Variants in RBM33 observed in about 807,000 individuals in gnomAD.
RBM33 encodes the protein RNA binding motif protein 33.
In RBM33, 28 loss-of-function variants were observed where a neutral mutation model predicts 132.6. The ratio of observed to expected loss-of-function variants is 0.21; its 90% confidence interval spans 0.16 to 0.29. The LOEUF is 0.29. Among genes scored for constraint, RBM33 ranks in the 10% least tolerant of loss-of-function variants. The probability of loss-of-function intolerance (pLI) is 1.00; values close to 1 mark genes in which losing one functional copy is unlikely to be tolerated. For synonymous variants in RBM33, 634 were observed against 593.0 expected (o/e 1.07, Z -1.01); for missense variants, 1,291 against 1,518.5 (o/e 0.85, Z 2.49).
chr7:155,683,210 TC>T (rs959237452), intron 5 of RBM33, among the ~76,000 whole-genome samples: 1 of 152,186 alleles, frequency 6.6e-6, no homozygotes, highest in African/African-American at 2.4e-5. Context: ...AATGGCCGCT[TC>T]CTTGGACAGG....
At chr7:155,673,516 G>GTA (rs746872486) in intron 3 of RBM33, among the ~76,000 whole-genome samples, 3 of 138,056 alleles carry the variant, frequency 2.2e-5, no homozygotes, top group Admixed American at 7.3e-5. Flanking sequence ...ATACACACGT[G>GTA]TATATATATA....
At chr7:155,726,812 A>C (rs1022691204) in intron 9 of RBM33, among the ~76,000 whole-genome samples, 1 of 152,246 alleles carries the variant, frequency 6.6e-6, no homozygotes, top group African/African-American at 2.4e-5. Flanking sequence ...TGCAGAAGCA[A>C]TGCACTATGA....
rs753546924 is a variant in RBM33, at chr7:155,700,823, T to TGAA, written c.630_632dup (p.Glu210dup). ...AAAAGGACATCAAAGAAGAATCAGATGAAGAAGAAGAAGATGATGAAGAAT... is the reference window on the plus strand; with the variant it reads ...AAAAGGACATCAAAGAAGAATCAGATGAAGAAGAAGAAGAAGATGATGAAGAAT... On this transcript the variant is annotated inframe_insertion, in exon 6 of 18. Transcript: ENST00000401878. 24 of 1,596,668 alleles carry TGAA rather than the reference T, an allele frequency of 1.5e-5. No individual in the cohort carries two copies. The highest frequency in any genetic ancestry group is 6.7e-5 in the African/African-American group (5 of 74,648).
At position 155,738,190 on chromosome 7, in the gene RBM33, G is replaced by C. The variant is rs1801191296; in HGVS notation, c.1524G>C (p.Gln508His). ...CTCAGAGTCCTCTACCATTCACTCAGCCAGGACCAGCATTTAATCAGCAAG... is the reference window on the plus strand; with the variant it reads ...CTCAGAGTCCTCTACCATTCACTCACCCAGGACCAGCATTTAATCAGCAAG... ...VPTQSPLPFT[Q>H]PGPAFNQQGQ... Residue 508 changes from glutamine to histidine, a missense_variant, in exon 11 of 18, where the codon CAG (glutamine) becomes CAC (histidine). Around this residue, in one of 7 missense-constraint regions of RBM33, gnomAD observed 841 missense variants for 912.0 expected, o/e 0.92. Coordinates refer to ENST00000401878, the MANE Select transcript of RBM33 (RefSeq NM_053043.3). The C allele has an allele frequency of 3.1e-6, 5 of 1,613,916 alleles. No individual in the cohort carries two copies. The East Asian group carries it at 1.1e-4, about 36-fold the overall frequency.
intron 5 of RBM33, among the ~76,000 whole-genome samples, chr7:155,698,712 A>G: frequency 6.6e-6 from 1 of 152,192 alleles, no homozygotes; most frequent in East Asian, 1.9e-4. Context: ...TTTCCTAACC[A>G]CTGGTTACCA....
intron 9 of RBM33, among the ~76,000 whole-genome samples, chr7:155,731,119 T>C (rs1292962281): frequency 6.6e-6 from 1 of 152,230 alleles, no homozygotes; most frequent in East Asian, 1.9e-4. Flanking sequence ...TGGTTGACTC[T>C]CCGCTCAGAG....
Position 155,776,443 on chromosome 7 carries a change from C to T in RBM33, c.*1402C>T, listed in dbSNP as rs927172914. ...TCCTAGAAGGAAGGGACTAAGGAGACGGGCACAGACTTGCGTCATCTCGTT... is the reference window on the plus strand; with the variant it reads ...TCCTAGAAGGAAGGGACTAAGGAGATGGGCACAGACTTGCGTCATCTCGTT... On this transcript the variant is annotated 3_prime_UTR_variant, in exon 18 of 18. Coordinates refer to ENST00000401878, the MANE Select transcript of RBM33 (RefSeq NM_053043.3). This position sits in a 1 kb window ranked among gnomAD's most constrained non-coding sequence, Gnocchi z 4.0. The T allele has an allele frequency of 6.6e-6, 1 of 152,208 alleles. No individual in the cohort carries two copies. Among genetic ancestry groups the T allele is most frequent in the African/African-American group, 2.4e-5 (1 of 41,454 alleles). The allele number at this position is 152,208 out of a possible 1,614,324, so 9.4% of individuals were successfully genotyped here.
At chr7:155,691,036 T>A (rs1222473456) in intron 5 of RBM33, among the ~76,000 whole-genome samples, 1 of 152,206 alleles carries the variant, frequency 6.6e-6, no homozygotes. Flanking sequence ...TTGGGGAAGC[T>A]CTCCTGGATA....
intron 16 of RBM33, among the ~76,000 whole-genome samples, chr7:155,770,880 G>T (rs1279199501): frequency 6.6e-6 from 1 of 152,156 alleles, no homozygotes; most frequent in Non-Finnish European, 1.5e-5. Context: ...TTGTTGATTC[G>T]ATCTTACGGT....
chr7:155,724,332 C>T (rs10240734), intron 9 of RBM33, among the ~76,000 whole-genome samples: 36,497 of 151,968 alleles, frequency 0.24, 4,649 homozygotes, highest in African/African-American at 0.32. Context: ...AGTTCGAGAC[C>T]AGCCTGGGCA....
intron 3 of RBM33, among the ~76,000 whole-genome samples, chr7:155,673,402 TTGTG>T (rs200441063): frequency 0.15 from 6,544 of 44,978 alleles, 193 homozygotes; most frequent in South Asian, 0.21. Context: ...TTTATATATA[TTGTG>T]TGTGTGTGTG....
intron 1 of RBM33, among the ~76,000 whole-genome samples, chr7:155,657,582 A>T (rs574522584): frequency 6.6e-6 from 1 of 152,260 alleles, no homozygotes; most frequent in South Asian, 2.1e-4. Context: ...AGCATGGCAC[A>T]CTACAGCTTC....
At chr7:155,766,338 C>A (rs1585547530) in intron 15 of RBM33, 129 bp from the exon 16 acceptor site, 1 of 1,057,274 alleles carries the variant, frequency 9.5e-7, no homozygotes, top group Non-Finnish European at 1.4e-6. Flanking sequence ...GGATAGAAAA[C>A]TACAGAAAAT....
intron 9 of RBM33, among the ~76,000 whole-genome samples, chr7:155,730,827 A>C (rs979074017): frequency 2.0e-5 from 3 of 152,224 alleles, no homozygotes; most frequent in Non-Finnish European, 4.4e-5. Flanking sequence ...GACAGCATGT[A>C]AATAGTCAGT....
chr7:155,670,675 G>A (rs563874959), intron 2 of RBM33, among the ~76,000 whole-genome samples: 2 of 152,090 alleles, frequency 1.3e-5, no homozygotes, highest in Non-Finnish European at 1.5e-5. Context: ...TGAAAAGCTC[G>A]TGTGTGTGGA....
In RBM33 at chr7:155,775,333, T is replaced by C; in HGVS notation, c.*292T>C. 1.8e-6 allele frequency: 1 copy of C among 544,964 alleles called. No individual in the cohort carries two copies. The highest frequency in any genetic ancestry group is 3.3e-6 in the Non-Finnish European group (1 of 300,082). 33.8% of individuals were successfully genotyped at this position (544,964 alleles called of 1,614,324 possible). A position where few individuals can be genotyped will look rare whatever the true frequency, so the allele number is the denominator to read the frequency against. ...AAAGTGCTTACAATGCATGTAGACA[T>C]TGTTCTTTGTGGTCTGACTCTATGA... On this transcript the variant is annotated 3_prime_UTR_variant, in exon 18 of 18. Coordinates refer to ENST00000401878, the MANE Select transcript of RBM33 (RefSeq NM_053043.3).
At chr7:155,719,893 A>C (rs1342873778) in intron 9 of RBM33, among the ~76,000 whole-genome samples, 5 of 152,216 alleles carry the variant, frequency 3.3e-5, no homozygotes, top group Non-Finnish European at 7.3e-5. Flanking sequence ...TTTTTGTAAA[A>C]ATGTTTACTA....
Position 155,775,358 on chromosome 7 carries a change from A to G in RBM33, c.*317A>G. The G allele has an allele frequency of 6.0e-6, 3 of 496,138 alleles. No individual in the cohort carries two copies. The highest frequency in any genetic ancestry group is 7.4e-6 in the Non-Finnish European group (2 of 270,740). The allele number at this position is 496,138 out of a possible 1,614,324, so 30.7% of individuals were successfully genotyped here. ...TTGTTCTTTGTGGTCTGACTCTATGATCGATCACAGTGACTTAGATTCAGG... is the reference window on the plus strand; with the variant it reads ...TTGTTCTTTGTGGTCTGACTCTATGGTCGATCACAGTGACTTAGATTCAGG... On this transcript the variant is annotated 3_prime_UTR_variant, in exon 18 of 18. Transcript: ENST00000401878.
Position 155,775,338 on chromosome 7 carries a change from C to T in RBM33, c.*297C>T. 1.9e-6 allele frequency: 1 copy of T among 535,338 alleles called. No individual in the cohort carries two copies. The highest frequency in any genetic ancestry group is 2.0e-5 in the South Asian group (1 of 49,672). The allele number at this position is 535,338 out of a possible 1,614,324, so 33.2% of individuals were successfully genotyped here. ...GCTTACAATGCATGTAGACATTGTT[C>T]TTTGTGGTCTGACTCTATGATCGAT... On this transcript the variant is annotated 3_prime_UTR_variant, in exon 18 of 18. Transcript: ENST00000401878.
Sources: allele counts gnomAD v4.1 joint callset (sites outside exome capture counted in the v4.1 genomes callset), GRCh38; gene constraint gnomAD v4.1.1; regional missense constraint gnomAD v4.1.1; non-coding constraint Gnocchi (gnomAD v3.1); transcripts MANE v1.5; gene names NCBI Gene and HGNC (gene_info 2026-07-23, HGNC 2026-07-21).